CNTN5: variants seen among roughly 807,000 people sequenced by gnomAD.
The protein encoded by CNTN5 is contactin 5.
In CNTN5, 77 loss-of-function variants were observed where a neutral mutation model predicts 129.1. The observed-to-expected ratio is 0.60, with a 90% CI of 0.50 to 0.72. The LOEUF is 0.72. CNTN5 is among the 30% of genes least tolerant of loss of function. CNTN5 has a pLI of 0.00. For synonymous variants in CNTN5, 509 were observed against 465.6 expected, an observed-to-expected ratio of 1.09 and a Z score of -1.20; for missense variants, 1,478 against 1,328.8, an observed-to-expected ratio of 1.11 and a Z score of -1.75.
intron 2 of CNTN5, among the ~76,000 whole-genome samples, chr11:99,497,544 GACAACTAA>G: frequency 6.6e-6 from 1 of 152,126 alleles, no homozygotes; most frequent in South Asian, 2.1e-4. Context: ...CATGGGCCAG[GACAACTAA>G]ACAAAACTAG....
chr11:99,845,583 G>A (rs1334117957), intron 6 of CNTN5, among the ~76,000 whole-genome samples: 1 of 151,648 alleles, frequency 6.6e-6, no homozygotes, highest in Non-Finnish European at 1.5e-5. Context: ...CGTTTCAGCC[G>A]GGATGGTGTC....
intron 9 of CNTN5, among the ~76,000 whole-genome samples, chr11:100,045,032 C>G (rs1344774917): frequency 6.6e-6 from 1 of 152,060 alleles, no homozygotes; most frequent in Non-Finnish European, 1.5e-5. Context: ...TTCTCTCCTA[C>G]TGCAAGAAGT....
At chr11:99,197,988 A>T (rs1222365419) in intron 1 of CNTN5, among the ~76,000 whole-genome samples, 1 of 152,126 alleles carries the variant, frequency 6.6e-6, no homozygotes, top group African/African-American at 2.4e-5. Flanking sequence ...ATTTATTTTT[A>T]AAATCCAAAA....
chr11:99,103,630 C>T lies in CNTN5; in HGVS notation c.-210+82360C>T, dbSNP rs117858865. 7.0e-3 allele frequency among the ~76,000 whole-genome samples: 1,070 copies of T among 152,172 alleles called. 6 individuals carry two copies. Among genetic ancestry groups the T allele is most frequent in the Non-Finnish European group, 0.012 (846 of 68,008 alleles). The stretch of plus-strand genomic sequence containing the variant: ...TGCCCTTCAAAGGATTTGTCCAAAT[C>T]TTAACCCTGGAACTTGTGATTGTGA... On this transcript the variant is annotated intron_variant, in intron 1 of 24. Coordinates refer to ENST00000524871, the MANE Select transcript of CNTN5 (RefSeq NM_014361.4).
chr11:99,723,134 A>G (rs919671820), intron 3 of CNTN5, among the ~76,000 whole-genome samples: 17 of 151,886 alleles, frequency 1.1e-4, no homozygotes, highest in Admixed American at 1.1e-3. Context: ...TACTCCCTTA[A>G]TTAGGAATTC....
chr11:99,589,033 G>A (rs1949895422), intron 3 of CNTN5, among the ~76,000 whole-genome samples: 1 of 152,204 alleles, frequency 6.6e-6, no homozygotes, highest in South Asian at 2.1e-4. Context: ...GATAGGTAGT[G>A]TGCTGGATTG....
rs528741561 is a variant in CNTN5 at position 99,454,335 on chromosome 11, C to T, written c.-70-101810C>T. On this transcript the variant is annotated intron_variant, in intron 2 of 24. Transcript: ENST00000524871. ...CTTGAATTGTAATCCGTATAATTCC[C>T]GTAATCCACATGGGTCAAGGGTGGG... Among the ~76,000 whole-genome samples the T allele has an allele frequency of 9.2e-5, 14 of 152,230 alleles. No individual in the cohort carries two copies. In the South Asian group the frequency reaches 1.5e-3, roughly 16 times the overall value.
intron 1 of CNTN5, among the ~76,000 whole-genome samples, chr11:99,204,514 A>C (rs553487022): frequency 1.3e-5 from 2 of 152,312 alleles, no homozygotes; most frequent in Admixed American, 1.3e-4. Flanking sequence ...TCTCAAAGGA[A>C]ATTTAACATT....
At chr11:100,244,602 G>T (rs17094684) in intron 16 of CNTN5, among the ~76,000 whole-genome samples, 1 of 152,180 alleles carries the variant, frequency 6.6e-6, no homozygotes, top group Non-Finnish European at 1.5e-5. Context: ...ATTCAGTCAT[G>T]ATTTGTGAAA....
chr11:99,129,370 C>T (rs920019988), intron 1 of CNTN5, among the ~76,000 whole-genome samples: 1 of 152,004 alleles, frequency 6.6e-6, no homozygotes, highest in Admixed American at 6.6e-5. Context: ...TGAAGGCCAT[C>T]TTGCTGAAAT....
intron 7 of CNTN5, among the ~76,000 whole-genome samples, chr11:99,922,060 C>T (rs1324284689): frequency 6.6e-6 from 1 of 152,044 alleles, no homozygotes; most frequent in Non-Finnish European, 1.5e-5. Context: ...GAAGAAATAC[C>T]TGATACCGGG....
chr11:99,763,044 C>T (rs2000566), intron 3 of CNTN5, among the ~76,000 whole-genome samples: 71,831 of 151,844 alleles, frequency 0.47, 17,477 homozygotes, highest in Non-Finnish European at 0.54. Flanking sequence ...TTTTATTGAT[C>T]CATGTATCAC....
At chr11:99,781,446 C>T (rs529055731) in intron 3 of CNTN5, among the ~76,000 whole-genome samples, 1 of 152,222 alleles carries the variant, frequency 6.6e-6, no homozygotes, top group South Asian at 2.1e-4. Context: ...AAGCTCCTCT[C>T]ATACTAAGTG....
At chr11:99,082,251 T>G (rs1865833169) in intron 1 of CNTN5, among the ~76,000 whole-genome samples, 1 of 150,874 alleles carries the variant, frequency 6.6e-6, no homozygotes. Context: ...AGTGGCGTGA[T>G]GTCTGCTCAC....
chr11:99,766,750 A>C (rs1944769474), intron 3 of CNTN5, among the ~76,000 whole-genome samples: 1 of 152,032 alleles, frequency 6.6e-6, no homozygotes, highest in Admixed American at 6.6e-5. Context: ...TTTTATGCTC[A>C]AGTTATGCCT....
intron 1 of CNTN5, among the ~76,000 whole-genome samples, chr11:99,153,338 AT>A (rs1860166117): frequency 6.6e-6 from 1 of 151,952 alleles, no homozygotes; most frequent in Non-Finnish European, 1.5e-5. Flanking sequence ...CCTTTTATTC[AT>A]TTTTTAAATT....
chr11:99,214,049 G>A (rs1349460545), intron 1 of CNTN5, among the ~76,000 whole-genome samples: 1 of 152,282 alleles, frequency 6.6e-6, no homozygotes, highest in Non-Finnish European at 1.5e-5. Flanking sequence ...TATTAGAGCA[G>A]AGGCATGGGC....
At chr11:99,806,844 A>G (rs1051168993) in intron 3 of CNTN5, among the ~76,000 whole-genome samples, 4 of 147,202 alleles carry the variant, frequency 2.7e-5, no homozygotes, top group Admixed American at 6.9e-5. Flanking sequence ...GATACATTAG[A>G]TACATAAATA....
intron 2 of CNTN5, among the ~76,000 whole-genome samples, chr11:99,408,492 AAG>A (rs1942235232): frequency 6.8e-6 from 1 of 146,326 alleles, no homozygotes; most frequent in African/African-American, 2.5e-5. Context: ...GAAAGAAAGA[AAG>A]AAAGAAAGAA....
Sources: gnomAD v4.1 joint callset for allele counts (sites outside exome capture counted in the v4.1 genomes callset) on GRCh38, gnomAD v4.1.1 for gene constraint, MANE v1.5 for transcripts, NCBI Gene and HGNC (gene_info 2026-07-23, HGNC 2026-07-21) for gene names.